Variants in RADIL observed in about 807,000 individuals in gnomAD.
RADIL encodes ras-associating and dilute domain-containing protein.
Under a neutral mutation model 97.6 loss-of-function variants are expected in RADIL, and 99 were observed. The ratio of observed to expected loss-of-function variants is 1.01; its 90% CI spans 0.86 to 1.20. The LOEUF is 1.20. Ranked by LOEUF, RADIL falls within the 50% of genes most tolerant of loss-of-function variation. The probability of loss-of-function intolerance (pLI) is 0.00; values close to 1 mark genes in which losing one functional copy is unlikely to be tolerated. For missense variants in RADIL, 1,765 were observed against 1,498.9 expected, an observed-to-expected ratio of 1.18 and a Z score of -2.93; for synonymous variants, 803 against 691.8, an observed-to-expected ratio of 1.16 and a Z score of -2.52.
At chr7:4,866,788 T>G (rs1784141103) in intron 2 of RADIL, among the ~76,000 whole-genome samples, 1 of 152,178 alleles carries the variant, frequency 6.6e-6, no homozygotes, top group South Asian at 2.1e-4. Context: ...ATGTTGGAAT[T>G]TGATCCCCAA....
intron 9 of RADIL, chr7:4,811,070 G>A (rs1424108554): frequency 6.6e-6 from 1 of 152,252 alleles, no homozygotes; most frequent in African/African-American, 2.4e-5. Context: ...CCAGGAGGTG[G>A]AGGTTGCAGT....
intron 9 of RADIL, among the ~76,000 whole-genome samples, chr7:4,810,444 CG>C (rs779229003): frequency 1.3e-5 from 2 of 152,230 alleles, no homozygotes; most frequent in African/African-American, 2.4e-5. Context: ...GCCCAGCCGA[CG>C]GTTCAGGTGT....
At chr7:4,870,682 G>A (rs1784232178) in intron 2 of RADIL, among the ~76,000 whole-genome samples, 1 of 152,192 alleles carries the variant, frequency 6.6e-6, no homozygotes, top group Admixed American at 6.5e-5. Flanking sequence ...GACCTCAGGT[G>A]ATCCACCCTC....
chr7:4,802,132 A>G (rs1562425046), intron 11 of RADIL, 137 bp from the exon 12 acceptor site: 7 of 704,186 alleles, frequency 9.9e-6, no homozygotes, highest in Non-Finnish European at 1.6e-5. Context: ...CAGCCTGTGC[A>G]GCTTGAGACG....
Position 4,818,356 on chromosome 7 carries a change from C to T in RADIL, c.1616-1005G>A, listed in dbSNP as rs1234153745. On this transcript the variant is annotated intron_variant, in intron 6 of 14. Transcript: ENST00000399583. The surrounding 1 kb of genome is among the most constrained non-coding windows in gnomAD (Gnocchi z 7.1). ...CCCACTCATGGCCAGGACAATGGTG[C>T]GCCAAGCCCTTGGACAAGCCCCTGT... 6.6e-6 allele frequency among the ~76,000 whole-genome samples: 1 copy of T among 152,218 alleles called. No homozygotes were observed. Among genetic ancestry groups the T allele is most frequent in the East Asian group, 1.9e-4 (1 of 5,188 alleles).
In RADIL at chr7:4,854,914, T is replaced by C. The variant is rs2115025139; in HGVS notation, c.536-18309A>G. Among the ~76,000 whole-genome samples, 1 of 152,318 alleles carries C rather than the reference T, an allele frequency of 6.6e-6. No individual in the cohort carries two copies. Among genetic ancestry groups the C allele is most frequent in the Admixed American group, 6.5e-5 (1 of 15,298 alleles). On this transcript the variant is annotated intron_variant, in intron 2 of 14. Transcript: ENST00000399583. The surrounding 1 kb of genome is among the most constrained non-coding windows in gnomAD (Gnocchi z 5.1). The stretch of plus-strand genomic sequence containing the variant: ...CCACCTCTCACCCCACCAAAGGGAA[T>C]CACTTTCCTGGATTCCGTGTTTAAC...
At chr7:4,804,167 G>T in intron 10 of RADIL, 1 of 294,086 alleles carries the variant, frequency 3.4e-6, no homozygotes, top group Non-Finnish European at 6.8e-6. Flanking sequence ...GGAATCACGG[G>T]ACCCAAACGG....
intron 2 of RADIL, among the ~76,000 whole-genome samples, chr7:4,866,037 A>G (rs1047778281): frequency 2.6e-5 from 4 of 152,190 alleles, no homozygotes; most frequent in African/African-American, 9.7e-5. Context: ...AACAATGACA[A>G]ATTGCCTAAT....
In RADIL at chr7:4,822,486, A is replaced by G. The variant is rs749905669; in HGVS notation, c.1523T>C (p.Phe508Ser). The part of the protein sequence containing the change: ...DLVPDLQPIL[F>S]WMSNSIELLY... Reference sequence around the variant, plus strand: ...GAGCTCGATGGAGTTAGACATCCAGAAAAGAATGGGCTGCAAGTCTGGAAC... The same window carrying G: ...GAGCTCGATGGAGTTAGACATCCAGGAAAGAATGGGCTGCAAGTCTGGAAC... The change falls in exon 6 of 15, where the codon TTC becomes TCC. Residue 508 changes from phenylalanine to serine, a missense_variant. Coordinates refer to ENST00000399583, the MANE Select transcript of RADIL (RefSeq NM_018059.5). The surrounding 1 kb of genome is among the most constrained non-coding windows in gnomAD (Gnocchi z 5.3). 6.2e-7 allele frequency: 1 copy of G among 1,613,088 alleles called. No homozygotes were observed. Among genetic ancestry groups the G allele is most frequent in the Non-Finnish European group, 8.5e-7 (1 of 1,179,998 alleles).
In RADIL at chr7:4,841,880, G is replaced by A. The variant is rs373080025; in HGVS notation, c.536-5275C>T. On this transcript the variant is annotated intron_variant, in intron 2 of 14. Transcript: ENST00000399583. ...GTTCAAGCCGAGGCTGATCAACATCGCCAAGTCTCTACAAAAAATACAAAA... is the reference window on the plus strand; with the variant it reads ...GTTCAAGCCGAGGCTGATCAACATCACCAAGTCTCTACAAAAAATACAAAA... Among the ~76,000 whole-genome samples, 7 of 152,186 alleles carry A rather than the reference G, an allele frequency of 4.6e-5. No homozygotes were observed. The East Asian group carries it at 7.7e-4, about 17-fold the overall frequency.
Position 4,815,512 on chromosome 7 carries a change from G to A in RADIL, c.1967-62C>T, listed in dbSNP as rs1165166350. 1.5e-5 allele frequency: 22 copies of A among 1,420,752 alleles called. No homozygotes were observed. The highest frequency in any genetic ancestry group is 2.0e-5 in the Non-Finnish European group (22 of 1,076,630). The allele number at this position is 1,420,752 out of a possible 1,614,324, so 88.0% of individuals were successfully genotyped here. A position where few individuals can be genotyped will look rare whatever the true frequency, so the allele number is the denominator to read the frequency against. On this transcript the variant is annotated intron_variant, in intron 8 of 14. Coordinates refer to ENST00000399583, the MANE Select transcript of RADIL (RefSeq NM_018059.5). The surrounding 1 kb of genome is among the most constrained non-coding windows in gnomAD (Gnocchi z 8.0). ...CCCTCCTGGGGGGACACAGACATGG[G>A]CCTGTCCCCAGAGCCTGCCCTTCCC...
At position 4,814,204 on chromosome 7, in the gene RADIL, T is replaced by A. The variant is rs1176937472; in HGVS notation, c.2139+1074A>T. On this transcript the variant is annotated intron_variant, in intron 9 of 14. Coordinates refer to ENST00000399583, the MANE Select transcript of RADIL (RefSeq NM_018059.5). This position sits in a 1 kb window ranked among gnomAD's most constrained non-coding sequence, Gnocchi z 4.5. ...TTTGTGGCATTAAAAAGCATTGCTTTACTTCTGTTTAGTGATACTGTAGGA... is the reference window on the plus strand; with the variant it reads ...TTTGTGGCATTAAAAAGCATTGCTTAACTTCTGTTTAGTGATACTGTAGGA... 6.6e-6 allele frequency among the ~76,000 whole-genome samples: 1 copy of A among 152,262 alleles called. No homozygotes were observed. Among genetic ancestry groups the A allele is most frequent in the Non-Finnish European group, 1.5e-5 (1 of 68,044 alleles).
chr7:4,822,459 A>C lies in RADIL; in HGVS notation c.1550T>G (p.Leu517Arg). 6.2e-7 allele frequency: 1 copy of C among 1,613,054 alleles called. No homozygotes were observed. Among genetic ancestry groups the C allele is most frequent in the Non-Finnish European group, 8.5e-7 (1 of 1,179,968 alleles). Residue 517 changes from leucine (L) to arginine (R), a missense_variant, in exon 6 of 15, where the codon CTG becomes CGG. Transcript: ENST00000399583. This position sits in a 1 kb window ranked among gnomAD's most constrained non-coding sequence, Gnocchi z 5.3. ...TGGGCATTTCTGCTGGATAAAGTAC[A>C]GGAGCTCGATGGAGTTAGACATCCA... is the stretch of plus-strand genomic sequence containing the variant. ...LFWMSNSIEL[L>R]YFIQQKCPLY... is the part of the protein sequence containing the mutation.
At chr7:4,805,111 TAAAAC>T (rs938868552) in intron 10 of RADIL, 3 of 156,688 alleles carry the variant, frequency 1.9e-5, no homozygotes, top group African/African-American at 7.2e-5. Flanking sequence ...AAAAATAAAA[TAAAAC>T]GCACCCCTAT....
At position 4,797,336 on chromosome 7, in the gene RADIL, G is replaced by C. The variant is rs545368460; in HGVS notation, c.*2042C>G. The C allele has an allele frequency of 2.0e-5, 3 of 152,186 alleles. No homozygotes were observed. Among genetic ancestry groups the C allele is most frequent in the East Asian group, 3.9e-4 (2 of 5,180 alleles). 9.4% of individuals were successfully genotyped at this position (152,186 alleles called of 1,614,324 possible). On this transcript the variant is annotated 3_prime_UTR_variant, in exon 15 of 15. Transcript: ENST00000399583. ...AGGAGCATGAAAATAGAAACCAAAG[G>C]CCCTTCAGTCTGGCTTGGAAGGTCC...
At chr7:4,875,535 C>G (rs1311552702) in intron 2 of RADIL, among the ~76,000 whole-genome samples, 1 of 152,240 alleles carries the variant, frequency 6.6e-6, no homozygotes. Flanking sequence ...CGCCCGGTGA[C>G]ACACAACGCA....
chr7:4,805,472 C>G, intron 10 of RADIL, 94 bp downstream of exon 10: 1 of 1,425,088 alleles, frequency 7.0e-7, no homozygotes, highest in Non-Finnish European at 9.3e-7. Flanking sequence ...CCCCCACACC[C>G]CACTTCAGTT....
intron 2 of RADIL, chr7:4,858,675 G>C (rs922965987): frequency 6.6e-6 from 1 of 152,546 alleles, no homozygotes; most frequent in Non-Finnish European, 1.5e-5. Context: ...CATATGCAGT[G>C]ATCAAATGGT....
intron 11 of RADIL, among the ~76,000 whole-genome samples, chr7:4,802,910 G>A (rs1267859222): frequency 1.7e-5 from 2 of 120,198 alleles, no homozygotes; most frequent in African/African-American, 3.7e-5. Context: ...CGGGCACCTC[G>A]GGGAATGCTG....
Sources: gnomAD v4.1 joint callset for allele counts (sites outside exome capture counted in the v4.1 genomes callset) on GRCh38, gnomAD v4.1.1 for gene constraint, Gnocchi (gnomAD v3.1) non-coding constraint, MANE v1.5 for transcripts, NCBI Gene and HGNC (gene_info 2026-07-23, HGNC 2026-07-21) for gene names.